The following NKAIN2 variants were observed in gnomAD, a reference collection of about 807,000 sequenced individuals.
NKAIN2 encodes sodium/potassium-transporting ATPase subunit beta-1-interacting protein 2.
A neutral mutation model predicts 32.6 loss-of-function variants in NKAIN2; 14 were observed. The observed-to-expected ratio is 0.43, with a 90% CI of 0.28 to 0.67. The LOEUF is 0.67. Ranked by LOEUF, NKAIN2 falls within the 30% of genes least tolerant of loss-of-function variation. The pLI, the probability that NKAIN2 is intolerant of heterozygous loss-of-function variation, is 0.17. For missense variants in NKAIN2, 198 were observed against 258.3 expected (o/e 0.77, Z 1.60); for synonymous variants, 80 against 87.2 (o/e 0.92, Z 0.46).
At chr6:123,893,459 G>A (rs986200571) in intron 1 of NKAIN2, among the ~76,000 whole-genome samples, 5 of 152,100 alleles carry the variant, frequency 3.3e-5, no homozygotes, top group African/African-American at 1.2e-4. Flanking sequence ...CTTCATCCTT[G>A]CCCTCCTATA....
At chr6:124,192,284 ATG>A (rs1170004163) in intron 1 of NKAIN2, among the ~76,000 whole-genome samples, 2 of 152,192 alleles carry the variant, frequency 1.3e-5, no homozygotes, top group East Asian at 3.9e-4. Flanking sequence ...TATTTTTGAT[ATG>A]TGTGTTTTTG....
At chr6:124,509,532 C>T (rs1463222074) in intron 3 of NKAIN2, among the ~76,000 whole-genome samples, 1 of 152,196 alleles carries the variant, frequency 6.6e-6, no homozygotes, top group Non-Finnish European at 1.5e-5. Context: ...TTTCGTTCTA[C>T]CACAACACTT....
intron 1 of NKAIN2, among the ~76,000 whole-genome samples, chr6:124,036,205 A>G (rs962464704): frequency 6.6e-6 from 1 of 152,110 alleles, no homozygotes; most frequent in Non-Finnish European, 1.5e-5. Flanking sequence ...CAGGTAAAAA[A>G]TCTTAGAGTA....
chr6:124,721,382 C>T (rs1403366376), intron 4 of NKAIN2, among the ~76,000 whole-genome samples: 4 of 137,632 alleles, frequency 2.9e-5, no homozygotes, highest in Middle Eastern at 8.2e-3. Flanking sequence ...CCCGCCTGGG[C>T]GACAGAACGA....
chr6:124,689,174 A>G lies in NKAIN2; in HGVS notation c.474+30788A>G, dbSNP rs549563858. ...ACTGTTCTGGATTTTGGGCATTGTA[A>G]AAAGCGTGTAGAGCTATGTTATTTT... On this transcript the variant is annotated intron_variant, in intron 4 of 6. Transcript: ENST00000368417. 2.0e-5 allele frequency among the ~76,000 whole-genome samples: 3 copies of G among 152,214 alleles called. No homozygotes were observed. In the South Asian group the frequency reaches 6.2e-4, roughly 32 times the overall value.
intron 1 of NKAIN2, among the ~76,000 whole-genome samples, chr6:124,087,530 C>CA (rs1379854635): frequency 1.1e-4 from 16 of 151,820 alleles, no homozygotes; most frequent in Admixed American, 9.2e-4. Context: ...AAAGAATTGA[C>CA]AAAAAACTTC....
chr6:124,402,499 C>A (rs1409633324), intron 3 of NKAIN2, among the ~76,000 whole-genome samples: 1 of 152,172 alleles, frequency 6.6e-6, no homozygotes, highest in African/African-American at 2.4e-5. Flanking sequence ...CAAACACTTT[C>A]TTTTAAATAT....
At chr6:124,619,042 A>T (rs1478100768) in intron 3 of NKAIN2, among the ~76,000 whole-genome samples, 1 of 152,146 alleles carries the variant, frequency 6.6e-6, no homozygotes, top group Non-Finnish European at 1.5e-5. Context: ...GAAAAAAAAA[A>T]TCACTCTCCT....
intron 1 of NKAIN2, among the ~76,000 whole-genome samples, chr6:124,264,143 A>G (rs1437053199): frequency 2.0e-5 from 3 of 152,248 alleles, no homozygotes; most frequent in Non-Finnish European, 4.4e-5. Context: ...AGAACAATTT[A>G]TGTGTGTAGC....
intron 1 of NKAIN2, among the ~76,000 whole-genome samples, chr6:124,078,870 A>C (rs1783823640): frequency 6.6e-6 from 1 of 151,576 alleles, no homozygotes. Context: ...GTTTATTTTT[A>C]AATAGTAGAT....
intron 2 of NKAIN2, among the ~76,000 whole-genome samples, chr6:124,344,501 A>G (rs1391396976): frequency 6.6e-6 from 1 of 151,244 alleles, no homozygotes; most frequent in African/African-American, 2.4e-5. Context: ...ATCCTCTTTT[A>G]TTTCATTGAG....
Position 124,698,562 on chromosome 6 carries a change from C to T in NKAIN2, c.474+40176C>T, listed in dbSNP as rs552303543. Among the ~76,000 whole-genome samples, 12 of 152,248 alleles carry T rather than the reference C, an allele frequency of 7.9e-5. No homozygotes were observed. The South Asian group carries it at 1.7e-3, about 21-fold the overall frequency. On this transcript the variant is annotated intron_variant, in intron 4 of 6. Coordinates refer to ENST00000368417, the MANE Select transcript of NKAIN2 (RefSeq NM_001040214.3). ...CACCAGTTTTGCATAAGTAGGCAGGCAGTGTATCTTAGATTTACAACCGAC... is the reference window on the plus strand; with the variant it reads ...CACCAGTTTTGCATAAGTAGGCAGGTAGTGTATCTTAGATTTACAACCGAC...
chr6:124,261,264 TA>T (rs1174184852), intron 1 of NKAIN2, among the ~76,000 whole-genome samples: 1 of 152,208 alleles, frequency 6.6e-6, no homozygotes, highest in Non-Finnish European at 1.5e-5. Context: ...TTTTCTTTTT[TA>T]CTCTCTTTCT....
intron 1 of NKAIN2, among the ~76,000 whole-genome samples, chr6:124,182,122 C>T (rs1204962984): frequency 6.6e-6 from 1 of 152,164 alleles, no homozygotes; most frequent in Non-Finnish European, 1.5e-5. Flanking sequence ...TACTTGGCAG[C>T]AGGCAAGAGA....
intron 1 of NKAIN2, among the ~76,000 whole-genome samples, chr6:124,267,397 A>G (rs370703717): frequency 3.3e-5 from 5 of 151,132 alleles, no homozygotes; most frequent in African/African-American, 9.7e-5. Flanking sequence ...TAATCCCAGC[A>G]CTTTGGGATG....
At chr6:124,305,339 A>G (rs891055658) in intron 2 of NKAIN2, among the ~76,000 whole-genome samples, 4 of 152,180 alleles carry the variant, frequency 2.6e-5, no homozygotes, top group Admixed American at 6.5e-5. Flanking sequence ...GAACCAAATT[A>G]GGCTGTGGTC....
intron 1 of NKAIN2, among the ~76,000 whole-genome samples, chr6:123,913,550 T>G (rs1480645618): frequency 6.6e-6 from 1 of 152,148 alleles, no homozygotes; most frequent in Non-Finnish European, 1.5e-5. Context: ...CCTAGATGTA[T>G]TGTGTAGGCA....
chr6:124,292,119 T>G (rs2753152), intron 2 of NKAIN2, among the ~76,000 whole-genome samples: 45,133 of 152,068 alleles, frequency 0.3, 9,226 homozygotes, highest in African/African-American at 0.58. Context: ...ATCTCCTTGT[T>G]TTCCCCAGAG....
intron 1 of NKAIN2, among the ~76,000 whole-genome samples, chr6:124,015,107 A>T (rs1176749092): frequency 6.6e-6 from 1 of 152,216 alleles, no homozygotes; most frequent in East Asian, 1.9e-4. Context: ...AGTAGAGTGT[A>T]AAGGGCATGT....
Sources: gnomAD v4.1 joint callset for allele counts (sites outside exome capture counted in the v4.1 genomes callset) on GRCh38, gnomAD v4.1.1 for gene constraint, MANE v1.5 for transcripts, NCBI Gene and HGNC (gene_info 2026-07-23, HGNC 2026-07-21) for gene names.